Variants in PDE1C observed in about 807,000 individuals in gnomAD.
PDE1C encodes the protein dual specificity calcium/calmodulin-dependent 3',5'-cyclic nucleotide phosphodiesterase 1C.
A neutral mutation model predicts 93.1 loss-of-function variants in PDE1C; 62 were observed. The observed-to-expected ratio is 0.67, with a 90% CI of 0.54 to 0.82. The LOEUF is 0.82. Among genes scored for constraint, PDE1C ranks in the 40% least tolerant of loss-of-function variants. The pLI is 0.00. For missense variants in PDE1C, 742 were observed against 884.6 expected, an observed-to-expected ratio of 0.84 and a Z score of 2.04; for synonymous variants, 325 against 310.1, an observed-to-expected ratio of 1.05 and a Z score of -0.50.
intron 3 of PDE1C, among the ~76,000 whole-genome samples, chr7:31,879,722 C>G (rs150869954): frequency 1.3e-5 from 2 of 152,116 alleles, no homozygotes. Context: ...TCTTTATTTG[C>G]GCACAATGAT....
At chr7:32,294,364 G>T (rs1314743547) in intron 1 of PDE1C, among the ~76,000 whole-genome samples, 1 of 152,142 alleles carries the variant, frequency 6.6e-6, no homozygotes. Flanking sequence ...GTTCATTTTT[G>T]AAGGAAGCAG....
intron 2 of PDE1C, among the ~76,000 whole-genome samples, chr7:32,204,257 T>A (rs572422440): frequency 6.6e-6 from 1 of 152,180 alleles, no homozygotes; most frequent in Non-Finnish European, 1.5e-5. Context: ...AACTTGTGAA[T>A]TGTTTATTCC....
chr7:31,934,266 G>C (rs1221610638), intron 2 of PDE1C, among the ~76,000 whole-genome samples: 1 of 152,156 alleles, frequency 6.6e-6, no homozygotes, highest in Non-Finnish European at 1.5e-5. Context: ...TCTCTGCTCT[G>C]ATAAGTACAC....
chr7:31,967,985 A>G (rs1810298714), intron 2 of PDE1C, among the ~76,000 whole-genome samples: 1 of 152,192 alleles, frequency 6.6e-6, no homozygotes, highest in African/African-American at 2.4e-5. Flanking sequence ...GTCTATGACA[A>G]ACCCACAGCC....
At chr7:31,820,915 T>C (rs1187447616) in intron 14 of PDE1C, 1 of 151,314 alleles carries the variant, frequency 6.6e-6, no homozygotes, top group African/African-American at 2.4e-5. Context: ...GTATTACTTC[T>C]ATTCACCTCA....
At chr7:32,121,025 G>C (rs1799272339) in intron 3 of PDE1C, among the ~76,000 whole-genome samples, 1 of 152,196 alleles carries the variant, frequency 6.6e-6, no homozygotes, top group Non-Finnish European at 1.5e-5. Flanking sequence ...CCAGTTTAGA[G>C]AAGAACATAA....
At chr7:31,823,354 T>C in intron 13 of PDE1C, 106 bp from the exon 14 acceptor site, 2 of 797,412 alleles carry the variant, frequency 2.5e-6, no homozygotes, top group Non-Finnish European at 3.8e-6. Flanking sequence ...AAGTTATTGC[T>C]GTGAAATATC....
the PDE1C span, among the ~76,000 whole-genome samples, chr7:31,617,455 G>A: frequency 3.3e-5 from 5 of 151,532 alleles, no homozygotes; most frequent in African/African-American, 4.9e-5. Flanking sequence ...TTAATTAAAA[G>A]AAAATGTGAA....
At chr7:31,776,041 C>T (rs1053087396) in intron 16 of PDE1C, among the ~76,000 whole-genome samples, 3 of 147,604 alleles carry the variant, frequency 2.0e-5, no homozygotes, top group Admixed American at 6.7e-5. Context: ...GTTGCCTGGG[C>T]GTCACCCCCA....
At chr7:31,978,055 A>C (rs1391213078) in intron 2 of PDE1C, among the ~76,000 whole-genome samples, 1 of 152,188 alleles carries the variant, frequency 6.6e-6, no homozygotes, top group Non-Finnish European at 1.5e-5. Flanking sequence ...GAGGCTACCA[A>C]GCTGATCATT....
chr7:32,267,575 C>A (rs1359001871), intron 1 of PDE1C, among the ~76,000 whole-genome samples: 2 of 69,080 alleles, frequency 2.9e-5, no homozygotes, highest in African/African-American at 4.7e-5. Flanking sequence ...CTCTCTCTCA[C>A]ACACACACAC....
the PDE1C span, among the ~76,000 whole-genome samples, chr7:31,746,076 G>A: frequency 1.3e-5 from 2 of 151,740 alleles, no homozygotes; most frequent in African/African-American, 4.8e-5. Flanking sequence ...TTCTCCAACA[G>A]TGGAGAATGC....
chr7:31,707,006 G>T, the PDE1C span, among the ~76,000 whole-genome samples: 1 of 152,114 alleles, frequency 6.6e-6, no homozygotes, highest in South Asian at 2.1e-4. Context: ...AACCAGAATC[G>T]TGTCCTCATT....
Position 32,377,209 on chromosome 7 carries a change from T to C in PDE1C, c.310+50613A>G, listed in dbSNP as rs186871344. On this transcript the variant is annotated intron_variant, in intron 1 of 1. Coordinates refer to the PDE1C transcript ENST00000672256. ...GAAAGCTGCCCAGAGGTGGTCCAAT[T>C]AGTCCCAAGTGTGCCAAGCTGCATC... Among the ~76,000 whole-genome samples, 604 of 152,258 alleles carry C rather than the reference T, an allele frequency of 4.0e-3. 7 individuals carry two copies. The highest frequency in any genetic ancestry group is 0.014 in the African/African-American group (564 of 41,544).
chr7:31,660,820 AAACT>A, the PDE1C span, among the ~76,000 whole-genome samples: 6 of 151,952 alleles, frequency 3.9e-5, no homozygotes, highest in Non-Finnish European at 5.9e-5. Flanking sequence ...TATCTAGAGA[AAACT>A]AACCAGCAGT....
chr7:31,652,471 C>A, the PDE1C span: 1 of 1,526,840 alleles, frequency 6.5e-7, no homozygotes, highest in Non-Finnish European at 8.8e-7. Flanking sequence ...CTGTTTGGTG[C>A]CAATGTGATG....
chr7:32,061,760 A>G (rs994641797), intron 1 of PDE1C, among the ~76,000 whole-genome samples: 9 of 152,248 alleles, frequency 5.9e-5, no homozygotes, highest in African/African-American at 2.2e-4. Context: ...AGTCAATATA[A>G]GTTTCAAGTA....
intron 2 of PDE1C, among the ~76,000 whole-genome samples, chr7:31,945,426 C>A (rs1806483665): frequency 6.6e-6 from 1 of 152,100 alleles, no homozygotes; most frequent in Non-Finnish European, 1.5e-5. Flanking sequence ...GAGGTGGATT[C>A]CCTCAGTTTT....
At chr7:31,743,389 C>G in the PDE1C span, among the ~76,000 whole-genome samples, 157 of 152,244 alleles carry the variant, frequency 1.0e-3, 1 homozygote, top group Middle Eastern at 3.4e-3. Context: ...ATGTGCTTAT[C>G]TGTCCTTCAG....
Sources: allele counts gnomAD v4.1 joint callset (sites outside exome capture counted in the v4.1 genomes callset), GRCh38; gene constraint gnomAD v4.1.1; transcripts MANE v1.5; gene names NCBI Gene and HGNC (gene_info 2026-07-23, HGNC 2026-07-21).